The following RDX variants were observed in gnomAD, a reference collection of about 807,000 sequenced individuals.
The protein encoded by RDX is radixin.
Under a neutral mutation model 83.7 loss-of-function variants are expected in RDX, and 32 were observed. That is an observed-to-expected ratio of 0.38 (90% CI 0.29 to 0.51). The LOEUF (loss-of-function observed/expected upper bound fraction) is 0.51. Among genes scored for constraint, RDX ranks in the 20% least tolerant of loss-of-function variants. RDX has a pLI of 0.87. For missense variants in RDX, 600 were observed against 689.9 expected (o/e 0.87, Z 1.46); for synonymous variants, 229 against 222.7 (o/e 1.03, Z -0.25).
chr11:110,219,477 A>G (rs1035805358), intron 14 of RDX, among the ~76,000 whole-genome samples: 4 of 152,234 alleles, frequency 2.6e-5, no homozygotes, highest in African/African-American at 9.6e-5. Flanking sequence ...TAAAATGGCA[A>G]ACAGGAAATC....
intron 10 of RDX, among the ~76,000 whole-genome samples, chr11:110,241,441 C>T (rs781448433): frequency 4.1e-4 from 62 of 152,024 alleles, no homozygotes; most frequent in Non-Finnish European, 8.4e-4. Flanking sequence ...GGATTACAGA[C>T]GTGTGTCACC....
chr11:110,233,440 CTT>C lies in RDX; in HGVS notation c.1382_1383del (p.Glu461GlyfsTer26). The C allele has an allele frequency of 6.2e-7, 1 of 1,614,052 alleles. No individual in the cohort carries two copies. Among genetic ancestry groups the C allele is most frequent in the Non-Finnish European group, 8.5e-7 (1 of 1,180,004 alleles). On this transcript the variant is annotated frameshift_variant, in exon 13 of 14. Transcript: ENST00000645495. ...GGGGCAGACATCACAGTTTTTAACT[CTT>C]CTTTGGTCTTTTCCAAGTCTTCCTG... is the stretch of plus-strand genomic sequence containing the variant. ...AAQEDLEKTK[E>X]ELKTVMSAPP...
intron 1 of RDX, among the ~76,000 whole-genome samples, chr11:110,288,682 T>C (rs1257085628): frequency 6.6e-6 from 1 of 152,204 alleles, no homozygotes; most frequent in South Asian, 2.1e-4. Context: ...GGCAGTTCTA[T>C]TGCTATAAAA....
intron 1 of RDX, among the ~76,000 whole-genome samples, chr11:110,280,234 GA>G (rs1378347837): frequency 6.6e-6 from 1 of 151,940 alleles, no homozygotes; most frequent in Non-Finnish European, 1.5e-5. Context: ...AAAAATGGAA[GA>G]AACTAATTTT....
intron 1 of RDX, among the ~76,000 whole-genome samples, chr11:110,282,950 C>G (rs754178674): frequency 7.9e-5 from 12 of 152,010 alleles, no homozygotes; most frequent in Non-Finnish European, 1.3e-4. Context: ...ACAACCCAGC[C>G]TGGGCAACAG....
rs573281412 is a variant in RDX at position 110,291,236 on chromosome 11, G to A, written c.-65+5231C>T. On this transcript the variant is annotated intron_variant, in intron 1 of 13. Transcript: ENST00000645495. The stretch of plus-strand genomic sequence containing the variant: ...GCTACTCCAGAGGCTGAGGTGGGAG[G>A]ACTGCCTGAGCCCCGGAGTTCAAAG... 3.3e-5 allele frequency among the ~76,000 whole-genome samples: 5 copies of A among 152,166 alleles called. No homozygotes were observed. The South Asian group carries it at 1.0e-3, about 32-fold the overall frequency.
At chr11:110,292,215 C>T (rs1861272117) in intron 1 of RDX, among the ~76,000 whole-genome samples, 1 of 151,972 alleles carries the variant, frequency 6.6e-6, no homozygotes, top group South Asian at 2.1e-4. Flanking sequence ...ATCGCTTGAA[C>T]CCTGGAGGCA....
At position 110,230,276 on chromosome 11, in the gene RDX, CG is replaced by C. The variant is rs1056695733; in HGVS notation, c.*1592del. The C allele has an allele frequency of 5.9e-5, 9 of 152,090 alleles. No homozygotes were observed. Among genetic ancestry groups the C allele is most frequent in the African/African-American group, 2.2e-4 (9 of 41,532 alleles). The allele number at this position is 152,090 out of a possible 1,614,324, so 9.4% of individuals were successfully genotyped here. On this transcript the variant is annotated 3_prime_UTR_variant, in exon 14 of 14. Transcript: ENST00000645495. The stretch of plus-strand genomic sequence containing the variant: ...ACCACACAGAGAAAACAAGGCTTTA[CG>C]TATCTCCAAATTTAGCTGTTTTACA...
At position 110,254,982 on chromosome 11, in the gene RDX, C is replaced by T. The variant is rs187480987; in HGVS notation, c.795+307G>A. On this transcript the variant is annotated intron_variant, in intron 8 of 13. Transcript: ENST00000645495. Reference sequence around the variant, plus strand: ...GGCTACCTCTACTACATTCTAGCCACCAATGAAGAAACACTTTAAAATTGC... The same window carrying T: ...GGCTACCTCTACTACATTCTAGCCATCAATGAAGAAACACTTTAAAATTGC... Among the ~76,000 whole-genome samples the T allele has an allele frequency of 3.0e-4, 45 of 152,242 alleles. No homozygotes were observed. In the East Asian group the frequency reaches 7.1e-3, roughly 24 times the overall value.
chr11:110,191,580 G>A (rs1418022733), intron 15 of RDX, among the ~76,000 whole-genome samples: 1 of 152,218 alleles, frequency 6.6e-6, no homozygotes, highest in Non-Finnish European at 1.5e-5. Flanking sequence ...CAGGTGCCAG[G>A]CGCAGTGGCT....
chr11:110,247,650 T>C, intron 10 of RDX, 53 bp downstream of exon 10: 1 of 1,583,858 alleles, frequency 6.3e-7, no homozygotes, highest in Non-Finnish European at 8.6e-7. Flanking sequence ...TACCACTATC[T>C]GACAACAGAG....
intron 1 of RDX, among the ~76,000 whole-genome samples, chr11:110,290,493 CAG>C (rs1008419938): frequency 1.4e-5 from 2 of 147,636 alleles, no homozygotes; most frequent in Non-Finnish European, 3.0e-5. Flanking sequence ...GCCTGGGCAA[CAG>C]AGACAGTCTC....
At chr11:110,261,945 A>C (rs558633379) in intron 5 of RDX, among the ~76,000 whole-genome samples, 9 of 152,216 alleles carry the variant, frequency 5.9e-5, no homozygotes, top group Non-Finnish European at 1.0e-4. Flanking sequence ...TCTGCTGCTC[A>C]ACCAAACAGC....
rs1022247730 is a variant in RDX at position 110,179,784 on chromosome 11, A to G, written c.*32-4550T>C. 43 of 336,146 alleles carry G rather than the reference A, an allele frequency of 1.3e-4. 1 individual carries two copies. The East Asian group carries it at 3.3e-3, about 26-fold the overall frequency. 20.8% of individuals were successfully genotyped at this position (336,146 alleles called of 1,614,324 possible). The stretch of plus-strand genomic sequence containing the variant: ...AAGATTCTGTCTAAAAAACAATTAT[A>G]ATAATAAAATCTAACAAGGTTAAGT... On this transcript the variant is annotated intron_variant, in intron 15 of 15. Transcript: ENST00000528498.
intron 14 of RDX, among the ~76,000 whole-genome samples, chr11:110,203,998 C>T (rs1399806006): frequency 2.0e-5 from 3 of 152,044 alleles, no homozygotes; most frequent in Admixed American, 6.6e-5. Flanking sequence ...GCCAAGATAA[C>T]GCCACTGCAC....
chr11:110,264,766 G>A lies in RDX; in HGVS notation c.192+13C>T, dbSNP rs370253075. ...ACATAATTATTAGTTTAATGTTATC[G>A]TACATATTTTACCTTTTTATTTAGT... On this transcript the variant is annotated intron_variant, in intron 4 of 13. Coordinates refer to ENST00000645495, the MANE Select transcript of RDX (RefSeq NM_002906.4). 6.5e-6 allele frequency: 10 copies of A among 1,533,710 alleles called. No homozygotes were observed. In the East Asian group the frequency reaches 9.0e-5, roughly 14 times the overall value.
chr11:110,235,331 C>A (rs1565306290), intron 12 of RDX, among the ~76,000 whole-genome samples: 1 of 152,102 alleles, frequency 6.6e-6, no homozygotes, highest in African/African-American at 2.4e-5. Context: ...CAGAGTAAGA[C>A]CATGTCTCTA....
intron 14 of RDX, among the ~76,000 whole-genome samples, chr11:110,214,906 G>A (rs575125232): frequency 1.3e-5 from 2 of 148,404 alleles, no homozygotes; most frequent in African/African-American, 2.5e-5. Context: ...ACAAGTTAGT[G>A]GGTGCAGCGC....
intron 7 of RDX, 55 bp from the exon 8 acceptor site, chr11:110,255,440 C>G: frequency 2.1e-6 from 2 of 939,878 alleles, no homozygotes; most frequent in East Asian, 4.9e-5. Flanking sequence ...GAATAAAATT[C>G]CTGTTTAGGA....
Sources: allele counts gnomAD v4.1 joint callset (sites outside exome capture counted in the v4.1 genomes callset), GRCh38; gene constraint gnomAD v4.1.1; transcripts MANE v1.5; gene names NCBI Gene and HGNC (gene_info 2026-07-23, HGNC 2026-07-21).